Variants in FRMPD2 observed in about 807,000 individuals in gnomAD.
FRMPD2 encodes FERM and PDZ domain-containing protein 2.
A neutral mutation model predicts 140.1 loss-of-function variants in FRMPD2; 96 were observed. The ratio of observed to expected loss-of-function variants is 0.69; its 90% confidence interval spans 0.58 to 0.81. The LOEUF is 0.81. FRMPD2 is among the 40% of genes least tolerant of loss of function. FRMPD2 has a pLI of 0.00. For synonymous variants in FRMPD2, 449 were observed against 547.6 expected (o/e 0.82, Z 2.52); for missense variants, 1,240 against 1,447.4 (o/e 0.86, Z 2.32).
chr10:48,193,841 AC>A (rs553547394), intron 15 of FRMPD2, among the ~76,000 whole-genome samples: 52 of 151,492 alleles, frequency 3.4e-4, no homozygotes, highest in African/African-American at 1.2e-3. Flanking sequence ...CTTCAAACAG[AC>A]CCCCCTCTCT....
chr10:48,242,293 A>C lies in FRMPD2; in HGVS notation c.435T>G (p.Pro145=), dbSNP rs1474342408. Residue 145 remains proline, a synonymous_variant, in exon 5 of 29, where the codon CCT becomes CCG. Transcript: ENST00000374201. ...SILLTMCEDQ[P]HRRCTLQSVL... ...CCGACTGCAACGTGCACCGCCTGTG[A>C]GGCTGGTCTTCACACATGGTCAGCA... is the stretch of plus-strand genomic sequence containing the variant. 1.9e-6 allele frequency: 3 copies of C among 1,614,036 alleles called. No homozygotes were observed. The highest frequency in any genetic ancestry group is 2.5e-6 in the Non-Finnish European group (3 of 1,180,022).
chr10:48,164,380 T>G (rs1386644677), intron 27 of FRMPD2, among the ~76,000 whole-genome samples: 1 of 151,162 alleles, frequency 6.6e-6, no homozygotes, highest in Non-Finnish European at 1.5e-5. Context: ...CCTCACTGAA[T>G]GAGTTAAATA....
intron 14 of FRMPD2, among the ~76,000 whole-genome samples, chr10:48,204,205 T>A (rs778197843): frequency 6.6e-6 from 1 of 152,158 alleles, no homozygotes; most frequent in Non-Finnish European, 1.5e-5. Context: ...AAACTATAAT[T>A]TAGTTCTCAA....
chr10:48,204,139 G>A (rs567931058), intron 14 of FRMPD2, among the ~76,000 whole-genome samples: 36 of 152,276 alleles, frequency 2.4e-4, no homozygotes, highest in Admixed American at 2.0e-3. Context: ...GGAAGCATGA[G>A]CTGTACAGAG....
intron 27 of FRMPD2, among the ~76,000 whole-genome samples, chr10:48,166,183 C>T (rs1838097295): frequency 8.3e-6 from 1 of 121,210 alleles, no homozygotes; most frequent in Admixed American, 8.0e-5. Context: ...CTTCTTACCC[C>T]TCCTTCACCC....
At position 48,184,833 on chromosome 10, in the gene FRMPD2, A is replaced by ATGCCAGGG; in HGVS notation, c.2400_2407dup (p.Ile803ThrfsTer28). 1 of 1,614,030 alleles carries ATGCCAGGG rather than the reference A, an allele frequency of 6.2e-7. No homozygotes were observed. Among genetic ancestry groups the ATGCCAGGG allele is most frequent in the East Asian group, 2.2e-5 (1 of 44,842 alleles). ...TCCAGGTATAATAGAAGATATAAAAATGCCAGGGTCAGCTTGGCCTGAATA... is the reference window on the plus strand; with the variant it reads ...TCCAGGTATAATAGAAGATATAAAAATGCCAGGGTGCCAGGGTCAGCTTGGCCTGAATA... On this transcript the variant is annotated frameshift_variant, in exon 19 of 29. Coordinates refer to ENST00000374201, the MANE Select transcript of FRMPD2 (RefSeq NM_001018071.4). LOFTEE classifies it high-confidence loss of function.
At chr10:48,270,052 C>T (rs1840740690) in intron 1 of FRMPD2, among the ~76,000 whole-genome samples, 1 of 152,090 alleles carries the variant, frequency 6.6e-6, no homozygotes. Context: ...TATTTCTGTG[C>T]AAAGAATCAG....
chr10:48,210,306 G>A (rs12257349), intron 13 of FRMPD2, among the ~76,000 whole-genome samples: 7,497 of 152,236 alleles, frequency 0.049, 627 homozygotes, highest in African/African-American at 0.17. Context: ...CCTTGAAACC[G>A]ATAAAGATTA....
chr10:48,259,382 G>T (rs929406543), intron 1 of FRMPD2, among the ~76,000 whole-genome samples: 2 of 152,314 alleles, frequency 1.3e-5, no homozygotes, highest in Admixed American at 1.3e-4. Context: ...AAAGTGGAAG[G>T]CTGGGGTTTT....
intron 14 of FRMPD2, among the ~76,000 whole-genome samples, chr10:48,204,301 T>C (rs900365352): frequency 6.6e-6 from 1 of 152,264 alleles, no homozygotes; most frequent in African/African-American, 2.4e-5. Context: ...GACACGTTTT[T>C]TTTTATGGGA....
At chr10:48,205,608 A>G (rs908288480) in intron 14 of FRMPD2, among the ~76,000 whole-genome samples, 2 of 152,240 alleles carry the variant, frequency 1.3e-5, no homozygotes, top group Non-Finnish European at 1.5e-5. Context: ...AGTTTAGTTA[A>G]TGTAATTTGA....
At chr10:48,250,768 C>G (rs1203290005) in intron 2 of FRMPD2, among the ~76,000 whole-genome samples, 2 of 151,352 alleles carry the variant, frequency 1.3e-5, no homozygotes, top group Non-Finnish European at 2.9e-5. Flanking sequence ...ATTAACCTCC[C>G]CTGTTTAGAA....
In FRMPD2 at chr10:48,181,858, C is replaced by CATAT. The variant is rs35165586; in HGVS notation, c.2585-854_2585-851dup. 7.5e-3 allele frequency among the ~76,000 whole-genome samples: 601 copies of CATAT among 79,782 alleles called. 43 individuals are homozygous for CATAT. The highest frequency in any genetic ancestry group is 8.5e-3 in the Non-Finnish European group (315 of 37,270). 52.3% of individuals were successfully genotyped at this position (79,782 alleles called of 152,430 possible). On this transcript the variant is annotated intron_variant, in intron 20 of 28. Transcript: ENST00000374201. The stretch of plus-strand genomic sequence containing the variant: ...ATATATGAAAGAATATATATTCCCT[C>CATAT]ATATATATATATATATATATGGCTC...
chr10:48,193,345 G>A (rs1021194371), intron 15 of FRMPD2, among the ~76,000 whole-genome samples: 1 of 152,158 alleles, frequency 6.6e-6, no homozygotes, highest in Admixed American at 6.5e-5. Context: ...GCTCTGTGGA[G>A]TATAACCTTT....
At chr10:48,232,604 C>G (rs12259107) in intron 9 of FRMPD2, among the ~76,000 whole-genome samples, 46,908 of 151,754 alleles carry the variant, frequency 0.31, 9,175 homozygotes, top group African/African-American at 0.56. Context: ...AATTCCAGCT[C>G]TCCCTTGGGC....
At chr10:48,262,190 C>G (rs909892244) in intron 1 of FRMPD2, among the ~76,000 whole-genome samples, 3 of 151,848 alleles carry the variant, frequency 2.0e-5, no homozygotes, top group African/African-American at 7.3e-5. Context: ...AAAATAAAAC[C>G]CAGTTATGTT....
At chr10:48,161,395 A>C (rs575732514) in intron 28 of FRMPD2, among the ~76,000 whole-genome samples, 3 of 151,562 alleles carry the variant, frequency 2.0e-5, no homozygotes, top group African/African-American at 4.9e-5. Flanking sequence ...CAAAAAAAAA[A>C]CAGCAAATGC....
Position 48,187,236 on chromosome 10 carries a change from G to A in FRMPD2, c.2222C>T (p.Thr741Ile), listed in dbSNP as rs759131460. The A allele has an allele frequency of 5.0e-6, 8 of 1,613,968 alleles. No homozygotes were observed. Among genetic ancestry groups the A allele is most frequent in the African/African-American group, 1.3e-5 (1 of 74,924 alleles). Residue 741 changes from threonine (T) to isoleucine (I), a missense_variant, in exon 17 of 29, where the codon ACC becomes ATC. By Grantham distance (89) the Thr-to-Ile change is moderately conservative. This residue lies in a region of FRMPD2 where 1,161 missense variants were observed against 1,055.9 expected (regional missense o/e 1.10). Transcript: ENST00000374201. ...AGGTGGTCCAGAGAGAGAGTCCCAG[G>A]TCATTGGCTTCTGGATCACACAGGC... ...KSACVIQKPMTWDSLSGPPVQ... is the reference protein window; with the variant it reads ...KSACVIQKPMIWDSLSGPPVQ...
intron 16 of FRMPD2, among the ~76,000 whole-genome samples, chr10:48,189,143 T>G (rs1838768151): frequency 6.6e-6 from 1 of 152,146 alleles, no homozygotes; most frequent in Non-Finnish European, 1.5e-5. Context: ...AAAAATCCAT[T>G]TACTGAAAGC....
Sources: allele counts gnomAD v4.1 joint callset (sites outside exome capture counted in the v4.1 genomes callset), GRCh38; gene constraint gnomAD v4.1.1; regional missense constraint gnomAD v4.1.1; transcripts MANE v1.5; gene names NCBI Gene and HGNC (gene_info 2026-07-23, HGNC 2026-07-21).